PRMT3: variants seen among roughly 807,000 people sequenced by gnomAD.
The protein encoded by PRMT3 is protein arginine N-methyltransferase 3.
In PRMT3, 62 loss-of-function variants were observed where a neutral mutation model predicts 71.9. The ratio of observed to expected loss-of-function variants is 0.86; its 90% CI spans 0.70 to 1.07. The LOEUF (loss-of-function observed/expected upper bound fraction) is 1.07, where lower values mean the gene tolerates loss of function less well. Ranked by LOEUF, PRMT3 falls within the 50% of genes least tolerant of loss-of-function variation. The pLI is 0.00. For missense variants in PRMT3, 663 were observed against 643.0 expected, an observed-to-expected ratio of 1.03 and a Z score of -0.34; for synonymous variants, 213 against 220.4, an observed-to-expected ratio of 0.97 and a Z score of 0.30.
At chr11:20,422,899 G>A (rs1017619096) in intron 9 of PRMT3, among the ~76,000 whole-genome samples, 1 of 152,186 alleles carries the variant, frequency 6.6e-6, no homozygotes, top group Non-Finnish European at 1.5e-5. Context: ...CTGGCACATA[G>A]AGCAAGGCTT....
chr11:20,388,600 C>T (rs1409553600), intron 2 of PRMT3, among the ~76,000 whole-genome samples: 2 of 152,190 alleles, frequency 1.3e-5, no homozygotes, highest in Non-Finnish European at 2.9e-5. Flanking sequence ...ACGGAGCCTT[C>T]CGGCTTTACC....
At chr11:20,471,069 GT>G (rs948279250) in intron 13 of PRMT3, among the ~76,000 whole-genome samples, 4 of 150,178 alleles carry the variant, frequency 2.7e-5, no homozygotes, top group Non-Finnish European at 3.0e-5. Context: ...CTTTTTAATG[GT>G]TTTTTTTCTT....
At chr11:20,488,038 T>G (rs1851119336) in intron 13 of PRMT3, among the ~76,000 whole-genome samples, 1 of 152,166 alleles carries the variant, frequency 6.6e-6, no homozygotes, top group African/African-American at 2.4e-5. Context: ...CACCACTCAA[T>G]CTGGCAGTAT....
At position 20,491,946 on chromosome 11, in the gene PRMT3, G is replaced by A. The variant is rs1851218166; in HGVS notation, c.1348-1973G>A. Among the ~76,000 whole-genome samples the A allele has an allele frequency of 6.6e-5, 10 of 152,056 alleles. 1 individual carries two copies. Among genetic ancestry groups the A allele is most frequent in the Admixed American group, 6.6e-4 (10 of 15,266 alleles). ...TTCCATTCAAGTTCAGTTAGTCAAT[G>A]CTTTAATAAAGTATACTGACTATGT... is the stretch of plus-strand genomic sequence containing the variant. On this transcript the variant is annotated intron_variant, in intron 13 of 15. Transcript: ENST00000331079.
intron 13 of PRMT3, among the ~76,000 whole-genome samples, chr11:20,472,873 T>A (rs929732530): frequency 1.2e-3 from 4 of 3,398 alleles, no homozygotes; most frequent in Non-Finnish European, 2.5e-3. Context: ...GGGTGGGGGG[T>A]GGAGGGTGGG....
intron 11 of PRMT3, among the ~76,000 whole-genome samples, chr11:20,452,999 C>T (rs1850183821): frequency 6.6e-6 from 1 of 152,112 alleles, no homozygotes; most frequent in African/African-American, 2.4e-5. Flanking sequence ...CTTCACTTAC[C>T]TCCCTGCATC....
chr11:20,465,953 A>G (rs557528972), intron 13 of PRMT3, among the ~76,000 whole-genome samples: 1 of 152,274 alleles, frequency 6.6e-6, no homozygotes, highest in African/African-American at 2.4e-5. Flanking sequence ...TCAATCATCT[A>G]TAAAGGAATT....
chr11:20,432,842 A>T (rs1445436362), intron 10 of PRMT3, among the ~76,000 whole-genome samples: 1 of 151,946 alleles, frequency 6.6e-6, no homozygotes, highest in African/African-American at 2.4e-5. Flanking sequence ...CTGGCCTTTT[A>T]TATGTCTTCT....
chr11:20,473,811 T>A (rs1210425972), intron 13 of PRMT3, among the ~76,000 whole-genome samples: 1 of 151,896 alleles, frequency 6.6e-6, no homozygotes, highest in Non-Finnish European at 1.5e-5. Flanking sequence ...GGTGTTGCAG[T>A]CATTTGGAGG....
chr11:20,475,606 G>T, intron 13 of PRMT3, among the ~76,000 whole-genome samples: 1 of 149,884 alleles, frequency 6.7e-6, no homozygotes, highest in South Asian at 2.1e-4. Context: ...TTTGGATTCT[G>T]TCAAACTTCA....
At chr11:20,423,091 G>A (rs902269901) in intron 9 of PRMT3, among the ~76,000 whole-genome samples, 7 of 152,144 alleles carry the variant, frequency 4.6e-5, no homozygotes, top group African/African-American at 1.7e-4. Context: ...GCTTGACACT[G>A]GGTAAGATCT....
At chr11:20,469,485 TTAAAAA>T (rs1490344082) in intron 13 of PRMT3, among the ~76,000 whole-genome samples, 5 of 152,226 alleles carry the variant, frequency 3.3e-5, no homozygotes, top group African/African-American at 9.6e-5. Flanking sequence ...GTTGTTTACC[TTAAAAA>T]TGAAAATAGT....
chr11:20,395,741 A>T, intron 5 of PRMT3, 62 bp from the exon 6 acceptor site: 2 of 1,491,198 alleles, frequency 1.3e-6, no homozygotes, highest in Non-Finnish European at 1.8e-6. Context: ...TATTCCTAAC[A>T]TATTTATACT....
intron 9 of PRMT3, among the ~76,000 whole-genome samples, chr11:20,418,606 A>G (rs1226807521): frequency 6.6e-6 from 1 of 152,182 alleles, no homozygotes; most frequent in Admixed American, 6.5e-5. Context: ...ACCATTCTGA[A>G]GATATTTTTA....
chr11:20,423,033 C>G (rs1849461390), intron 9 of PRMT3, among the ~76,000 whole-genome samples: 2 of 152,176 alleles, frequency 1.3e-5, no homozygotes. Context: ...TCCCAAATCT[C>G]TTAGTCTGGA....
At chr11:20,420,446 T>C (rs536248634) in intron 9 of PRMT3, among the ~76,000 whole-genome samples, 51 of 152,252 alleles carry the variant, frequency 3.3e-4, no homozygotes, top group African/African-American at 1.2e-4. Context: ...CTGTGAGGAA[T>C]TGGGCCACAC....
intron 11 of PRMT3, among the ~76,000 whole-genome samples, chr11:20,458,461 T>C (rs1232161908): frequency 6.6e-6 from 1 of 152,218 alleles, no homozygotes; most frequent in Non-Finnish European, 1.5e-5. Context: ...AAGCCATGAA[T>C]TTATAAATGG....
At chr11:20,498,883 G>C (rs1446250298) in intron 15 of PRMT3, among the ~76,000 whole-genome samples, 2 of 152,190 alleles carry the variant, frequency 1.3e-5, no homozygotes, top group South Asian at 2.1e-4. Flanking sequence ...GGAGAAAAAT[G>C]CTGAACAAAT....
At chr11:20,403,555 T>C (rs1848996785) in intron 8 of PRMT3, among the ~76,000 whole-genome samples, 1 of 152,218 alleles carries the variant, frequency 6.6e-6, no homozygotes, top group Non-Finnish European at 1.5e-5. Context: ...CATGTGCCTG[T>C]GTGTTAGAAA....
Sources: gnomAD v4.1 joint callset for allele counts (sites outside exome capture counted in the v4.1 genomes callset) on GRCh38, gnomAD v4.1.1 for gene constraint, MANE v1.5 for transcripts, NCBI Gene and HGNC (gene_info 2026-07-23, HGNC 2026-07-21) for gene names.